Variants in FAM174A observed in about 807,000 individuals in gnomAD.
The protein encoded by FAM174A is membrane protein FAM174A.
FAM174A carries 14 observed loss-of-function variants against 14.3 expected under a neutral mutation model. The observed-to-expected ratio is 0.98, with a 90% CI of 0.65 to 1.53. The LOEUF is 1.53. FAM174A is among the 40% of genes most tolerant of loss of function. The pLI is 0.00. For synonymous variants in FAM174A, 108 were observed against 111.4 expected, an observed-to-expected ratio of 0.97 and a Z score of 0.19; for missense variants, 241 against 249.6, an observed-to-expected ratio of 0.97 and a Z score of 0.23.
At chr5:100,538,465 A>G (rs1369479322) in intron 1 of FAM174A, among the ~76,000 whole-genome samples, 4 of 152,084 alleles carry the variant, frequency 2.6e-5, no homozygotes, top group African/African-American at 7.2e-5. Flanking sequence ...GAGTCTGGAA[A>G]CATTCCAAAG....
intron 1 of FAM174A, among the ~76,000 whole-genome samples, chr5:100,555,545 A>G (rs1199413784): frequency 2.0e-5 from 3 of 152,014 alleles, no homozygotes; most frequent in East Asian, 3.8e-4. Flanking sequence ...AGTCCCACCA[A>G]CAGTGTAAAA....
At chr5:100,559,850 TAATTTTTTTTCAAG>T (rs970215269) in intron 1 of FAM174A, among the ~76,000 whole-genome samples, 26 of 152,222 alleles carry the variant, frequency 1.7e-4, no homozygotes, top group African/African-American at 6.0e-4. Context: ...GCCATTTGTC[TAATTTTTTTTCAAG>T]GTTTTTAACT....
intron 2 of FAM174A, among the ~76,000 whole-genome samples, chr5:100,583,496 T>G (rs540740375): frequency 2.0e-5 from 3 of 152,360 alleles, no homozygotes; most frequent in South Asian, 4.1e-4. Context: ...GTACAGCTTC[T>G]TCTACATCTT....
At chr5:100,579,324 C>T (rs910197978) in intron 2 of FAM174A, among the ~76,000 whole-genome samples, 2 of 152,132 alleles carry the variant, frequency 1.3e-5, no homozygotes, top group East Asian at 3.8e-4. Context: ...TCTGTGGAGA[C>T]ACACTTCATT....
intron 1 of FAM174A, among the ~76,000 whole-genome samples, chr5:100,548,366 A>G (rs955364321): frequency 3.3e-5 from 5 of 152,102 alleles, no homozygotes; most frequent in Non-Finnish European, 5.9e-5. Context: ...TCAAAACAAC[A>G]TAATTGTACT....
At chr5:100,565,196 A>G (rs1281004293) in intron 2 of FAM174A, among the ~76,000 whole-genome samples, 1 of 152,032 alleles carries the variant, frequency 6.6e-6, no homozygotes, top group South Asian at 2.1e-4. Context: ...GAATGCAAAT[A>G]TCTTTCAACA....
At chr5:100,570,312 A>G (rs925223181) in intron 2 of FAM174A, among the ~76,000 whole-genome samples, 4 of 151,896 alleles carry the variant, frequency 2.6e-5, no homozygotes, top group African/African-American at 9.7e-5. Context: ...GAAGGACCCT[A>G]TCTGACTTTT....
At chr5:100,554,493 T>G (rs1580367563) in intron 1 of FAM174A, among the ~76,000 whole-genome samples, 2 of 151,768 alleles carry the variant, frequency 1.3e-5, no homozygotes, top group East Asian at 3.9e-4. Context: ...ATTTTTGTAT[T>G]TTTACTAGAG....
chr5:100,572,316 A>T (rs1746802045), intron 2 of FAM174A, among the ~76,000 whole-genome samples: 1 of 144,270 alleles, frequency 6.9e-6, no homozygotes, highest in South Asian at 2.1e-4. Flanking sequence ...TTAGTTACAT[A>T]TGTATACATG....
At chr5:100,557,544 C>A (rs493373) in intron 1 of FAM174A, among the ~76,000 whole-genome samples, 86,138 of 151,950 alleles carry the variant, frequency 0.57, 26,842 homozygotes, top group African/African-American at 0.81. Context: ...TGGTAGAATT[C>A]GGCTGTGAAT....
At chr5:100,573,772 A>G (rs537822045) in intron 2 of FAM174A, among the ~76,000 whole-genome samples, 1 of 151,136 alleles carries the variant, frequency 6.6e-6, no homozygotes, top group South Asian at 2.1e-4. Context: ...CGCCAAGTCA[A>G]TCCTAAGCCA....
At chr5:100,584,172 CTGGTGT>C (rs1400419471) in intron 2 of FAM174A, among the ~76,000 whole-genome samples, 2 of 152,206 alleles carry the variant, frequency 1.3e-5, no homozygotes, top group Admixed American at 6.5e-5. Context: ...AGACTGGCAG[CTGGTGT>C]TTGTCTTTTC....
intron 2 of FAM174A, among the ~76,000 whole-genome samples, chr5:100,571,467 A>C (rs932274255): frequency 6.6e-6 from 1 of 151,294 alleles, no homozygotes; most frequent in African/African-American, 2.4e-5. Context: ...ACTGGACTTT[A>C]GAAATCAATT....
chr5:100,575,243 C>G (rs1746876744), intron 2 of FAM174A, among the ~76,000 whole-genome samples: 1 of 151,478 alleles, frequency 6.6e-6, no homozygotes, highest in South Asian at 2.1e-4. Context: ...TACAGTATAA[C>G]TTTTATATAT....
chr5:100,571,747 T>G (rs1325152882), intron 2 of FAM174A, among the ~76,000 whole-genome samples: 3 of 149,858 alleles, frequency 2.0e-5, no homozygotes, highest in African/African-American at 4.9e-5. Context: ...ATAGAAAGGT[T>G]GAGAAATGTG....
At chr5:100,578,153 G>A (rs150278786) in intron 2 of FAM174A, among the ~76,000 whole-genome samples, 1 of 152,132 alleles carries the variant, frequency 6.6e-6, no homozygotes, top group African/African-American at 2.4e-5. Flanking sequence ...ATAGAAAACT[G>A]AGCATTTTAC....
At chr5:100,554,566 T>C (rs1260844548) in intron 1 of FAM174A, among the ~76,000 whole-genome samples, 1 of 152,084 alleles carries the variant, frequency 6.6e-6, no homozygotes, top group African/African-American at 2.4e-5. Flanking sequence ...CGCCTCAGCC[T>C]CCCAAAGTGT....
intron 1 of FAM174A, among the ~76,000 whole-genome samples, chr5:100,549,759 T>C (rs183430874): frequency 7.9e-5 from 12 of 152,138 alleles, no homozygotes; most frequent in Admixed American, 3.9e-4. Context: ...GTCAAGCTAA[T>C]AGAGAGGGTT....
chr5:100,581,416 T>C, intron 2 of FAM174A: 3 of 982,362 alleles, frequency 3.1e-6, no homozygotes, highest in Non-Finnish European at 3.6e-6. Context: ...TAGGTGGCAA[T>C]TGAGTTAAAG....
Sources: allele counts gnomAD v4.1 joint callset (sites outside exome capture counted in the v4.1 genomes callset), GRCh38; gene constraint gnomAD v4.1.1; transcripts MANE v1.5; gene names NCBI Gene and HGNC (gene_info 2026-07-23, HGNC 2026-07-21).